DNAJC10: variants seen among roughly 807,000 people sequenced by gnomAD.
The protein encoded by DNAJC10 is DnaJ heat shock protein family (Hsp40) member C10.
A neutral mutation model predicts 115.0 loss-of-function variants in DNAJC10; 101 were observed. The observed-to-expected ratio is 0.88, with a 90% CI of 0.75 to 1.04. DNAJC10 has a LOEUF of 1.04. Among genes scored for constraint, DNAJC10 ranks in the 50% least tolerant of loss-of-function variants. DNAJC10 has a pLI of 0.00. For missense variants in DNAJC10, 981 were observed against 928.8 expected (o/e 1.06, Z -0.73); for synonymous variants, 307 against 301.5 (o/e 1.02, Z -0.19).
rs996202485 is a variant in DNAJC10 at position 182,725,556 on chromosome 2, T to C, written c.419-3020T>C. Among the ~76,000 whole-genome samples the C allele has an allele frequency of 2.0e-5, 3 of 152,298 alleles. No individual in the cohort carries two copies. In the South Asian group the frequency reaches 6.2e-4, roughly 32 times the overall value. ...AGAATGTCTTAGTGGTCTGGGTAGA[T>C]CAAATTATCTACAACATCCCCTTAG... is the stretch of plus-strand genomic sequence containing the variant. On this transcript the variant is annotated intron_variant, in intron 5 of 23. Transcript: ENST00000264065.
chr2:182,729,602 A>G (rs1693388182), intron 7 of DNAJC10, among the ~76,000 whole-genome samples: 2 of 150,278 alleles, frequency 1.3e-5, no homozygotes, highest in Non-Finnish European at 2.9e-5. Context: ...TAAAGCTCTG[A>G]TATCTTTTTT....
chr2:182,732,213 T>C (rs968306368), intron 9 of DNAJC10, among the ~76,000 whole-genome samples: 8 of 152,034 alleles, frequency 5.3e-5, no homozygotes, highest in Non-Finnish European at 1.2e-4. Flanking sequence ...GAGGAGAGAT[T>C]GAGAGTATTA....
intron 11 of DNAJC10, among the ~76,000 whole-genome samples, chr2:182,736,705 A>G (rs1341074655): frequency 6.6e-6 from 1 of 152,178 alleles, no homozygotes; most frequent in Non-Finnish European, 1.5e-5. Context: ...GGGTTATACG[A>G]AAGAGCATTT....
At chr2:182,728,276 G>A (rs916068060) in intron 5 of DNAJC10, among the ~76,000 whole-genome samples, 3 of 152,000 alleles carry the variant, frequency 2.0e-5, no homozygotes, top group African/African-American at 7.3e-5. Context: ...CAACTTTATG[G>A]CCATATTTAT....
At position 182,731,027 on chromosome 2, in the gene DNAJC10, A is replaced by G. The variant is rs750937714; in HGVS notation, c.728-3A>G. 6.2e-7 allele frequency: 1 copy of G among 1,605,246 alleles called. No individual in the cohort carries two copies. The highest frequency in any genetic ancestry group is 8.5e-7 in the Non-Finnish European group (1 of 1,176,570). ...AATTTGCTTTTTTTCTTTTATTTTT[A>G]AGGAAATTTTGTCAACTCCATACAA... On this transcript the variant is annotated splice_polypyrimidine_tract_variant and splice_region_variant and intron_variant, in intron 8 of 23. Coordinates refer to ENST00000264065, the MANE Select transcript of DNAJC10 (RefSeq NM_018981.4).
At position 182,751,848 on chromosome 2, in the gene DNAJC10, A is replaced by G; in HGVS notation, c.1434+63A>G. 6 of 1,569,752 alleles carry G rather than the reference A, an allele frequency of 3.8e-6. No individual in the cohort carries two copies. In the South Asian group the frequency reaches 7.0e-5, roughly 18 times the overall value. The stretch of plus-strand genomic sequence containing the variant: ...GATCTTCTCCTGTTATGGCAAAAAG[A>G]CATTTTCTAGATAACTTTGAATCAT... On this transcript the variant is annotated intron_variant, in intron 15 of 23. Transcript: ENST00000264065.
intron 19 of DNAJC10, among the ~76,000 whole-genome samples, chr2:182,758,162 T>G (rs2105681434): frequency 6.6e-6 from 1 of 152,290 alleles, no homozygotes; most frequent in Non-Finnish European, 1.5e-5. Context: ...AACTAGGAAT[T>G]ACTACCCTTC....
intron 13 of DNAJC10, among the ~76,000 whole-genome samples, chr2:182,743,206 T>G (rs764233505): frequency 2.0e-5 from 3 of 152,204 alleles, no homozygotes; most frequent in African/African-American, 4.8e-5. Context: ...CTGGTTTATA[T>G]TTGGCTGTTG....
chr2:182,758,755 A>G, intron 19 of DNAJC10, 82 bp from the exon 20 acceptor site: 1 of 993,034 alleles, frequency 1.0e-6, no homozygotes, highest in Non-Finnish European at 1.6e-6. Context: ...CTTATTTTTT[A>G]AATTGCTACA....
chr2:182,793,269 G>A lies in DNAJC10; in HGVS notation c.*16137G>A, dbSNP rs1695085097. On this transcript the variant is annotated 3_prime_UTR_variant, in exon 24 of 24. Coordinates refer to ENST00000264065, the MANE Select transcript of DNAJC10 (RefSeq NM_018981.4). ...TGAAGTTAGAGGGAGAGAGAAAGTGGGGAGCCAGATCATAGAGGGCTTTGC... is the reference window on the plus strand; with the variant it reads ...TGAAGTTAGAGGGAGAGAGAAAGTGAGGAGCCAGATCATAGAGGGCTTTGC... 1 of 152,134 alleles carries A rather than the reference G, an allele frequency of 6.6e-6. No individual in the cohort carries two copies. The highest frequency in any genetic ancestry group is 2.1e-4 in the South Asian group (1 of 4,802). 9.4% of individuals were successfully genotyped at this position (152,134 alleles called of 1,614,324 possible).
chr2:182,774,261 G>A (rs964804112), intron 22 of DNAJC10, among the ~76,000 whole-genome samples: 5 of 152,156 alleles, frequency 3.3e-5, no homozygotes, highest in African/African-American at 4.8e-5. Context: ...GGTGTCTGTC[G>A]GCCCCTACTG....
At chr2:182,719,405 C>A (rs1558994159) in intron 3 of DNAJC10, among the ~76,000 whole-genome samples, 1 of 151,898 alleles carries the variant, frequency 6.6e-6, no homozygotes, top group Non-Finnish European at 1.5e-5. Flanking sequence ...AGGCGTGCGT[C>A]ACTACTGCCC....
At chr2:182,753,818 G>A (rs576705448) in intron 16 of DNAJC10, among the ~76,000 whole-genome samples, 36 of 152,086 alleles carry the variant, frequency 2.4e-4, no homozygotes, top group African/African-American at 7.7e-4. Flanking sequence ...TCCTGACCTC[G>A]TGATCCTCCC....
At chr2:182,730,464 A>G (rs924833012) in intron 8 of DNAJC10, 2 of 404,660 alleles carry the variant, frequency 4.9e-6, no homozygotes, top group Non-Finnish European at 9.8e-6. Context: ...AGTCCCTGCC[A>G]TCAGTGACTT....
Position 182,775,331 on chromosome 2 carries a change from G to C in DNAJC10, c.2281G>C (p.Glu761Gln). Residue 761 changes from glutamate to glutamine, a missense_variant, in exon 23 of 24, where the codon GAG becomes CAG. Glu to Gln is a conservative substitution (Grantham distance 29, BLOSUM62 2). Transcript: ENST00000264065. ...TTAATTTTAGAGAAATTTTCAAGAA[G>C]AGCAGATAAATACCAGAGATGCAAA... is the stretch of plus-strand genomic sequence containing the variant. ...YERAKRNFQE[E>Q]QINTRDAKAI... The C allele has an allele frequency of 2.5e-6, 4 of 1,607,514 alleles. No homozygotes were observed. Among genetic ancestry groups the C allele is most frequent in the Non-Finnish European group, 3.4e-6 (4 of 1,175,088 alleles).
At chr2:182,764,007 T>G (rs1694350628) in intron 22 of DNAJC10, among the ~76,000 whole-genome samples, 1 of 152,196 alleles carries the variant, frequency 6.6e-6, no homozygotes, top group African/African-American at 2.4e-5. Flanking sequence ...TTGCTGTGAC[T>G]ATTCTTCAAG....
chr2:182,765,836 G>A (rs1274485725), intron 22 of DNAJC10, among the ~76,000 whole-genome samples: 1 of 152,222 alleles, frequency 6.6e-6, no homozygotes, highest in Admixed American at 6.5e-5. Flanking sequence ...CAATGCATAT[G>A]CAAATCGAGC....
At chr2:182,771,266 A>G (rs888500856) in intron 22 of DNAJC10, among the ~76,000 whole-genome samples, 1 of 152,182 alleles carries the variant, frequency 6.6e-6, no homozygotes, top group Non-Finnish European at 1.5e-5. Flanking sequence ...GATGTTCATC[A>G]GGGATATTGG....
At chr2:182,771,811 GTCTC>G (rs1389171158) in intron 22 of DNAJC10, among the ~76,000 whole-genome samples, 1 of 151,726 alleles carries the variant, frequency 6.6e-6, no homozygotes, top group Non-Finnish European at 1.5e-5. Flanking sequence ...GGTTTTTTAT[GTCTC>G]TCTTTCAGTT....
Sources: allele counts gnomAD v4.1 joint callset (sites outside exome capture counted in the v4.1 genomes callset), GRCh38; gene constraint gnomAD v4.1.1; transcripts MANE v1.5; gene names NCBI Gene and HGNC (gene_info 2026-07-23, HGNC 2026-07-21).